The following ASTN1 variants were observed in gnomAD, a reference collection of about 807,000 sequenced individuals.
ASTN1 encodes the protein astrotactin-1.
ASTN1 carries 41 observed loss-of-function variants against 140.7 expected under a neutral mutation model. The observed-to-expected ratio is 0.29, with a 90% CI of 0.23 to 0.38. The LOEUF (loss-of-function observed/expected upper bound fraction) is 0.38. ASTN1 is among the 10% of genes least tolerant of loss of function. The pLI is 1.00. For synonymous variants in ASTN1, 640 were observed against 652.2 expected, an observed-to-expected ratio of 0.98 and a Z score of 0.29; for missense variants, 1,479 against 1,678.8, an observed-to-expected ratio of 0.88 and a Z score of 2.08.
chr1:176,871,004 C>T (rs1238004296), intron 21 of ASTN1, among the ~76,000 whole-genome samples: 2 of 152,088 alleles, frequency 1.3e-5, no homozygotes, highest in East Asian at 3.9e-4. Context: ...GAGATGGAGT[C>T]AAAACTGAAA....
At chr1:177,018,603 A>G (rs932947779) in intron 7 of ASTN1, among the ~76,000 whole-genome samples, 1 of 152,196 alleles carries the variant, frequency 6.6e-6, no homozygotes, top group African/African-American at 2.4e-5. Flanking sequence ...TTGCAGAACC[A>G]TAAAAGCTAC....
intron 1 of ASTN1, among the ~76,000 whole-genome samples, chr1:177,105,277 A>G (rs1680496790): frequency 6.6e-6 from 1 of 152,194 alleles, no homozygotes; most frequent in African/African-American, 2.4e-5. Context: ...TTCACCTGAA[A>G]TACCTTCCAG....
At chr1:176,980,005 G>C (rs1444294475) in intron 8 of ASTN1, among the ~76,000 whole-genome samples, 1 of 152,154 alleles carries the variant, frequency 6.6e-6, no homozygotes, top group African/African-American at 2.4e-5. Context: ...GGAAGTACAG[G>C]CAGTGAAAAT....
At chr1:177,011,525 G>A (rs2101933272) in intron 8 of ASTN1, among the ~76,000 whole-genome samples, 1 of 151,882 alleles carries the variant, frequency 6.6e-6, no homozygotes. Context: ...AGTGGTGAGA[G>A]AATTACTATA....
chr1:176,901,411 C>A (rs1669760806), intron 16 of ASTN1, among the ~76,000 whole-genome samples: 1 of 152,152 alleles, frequency 6.6e-6, no homozygotes, highest in African/African-American at 2.4e-5. Context: ...AATAATGTCA[C>A]AAAGTGGCAA....
chr1:176,967,950 G>C (rs1032780851), intron 8 of ASTN1, among the ~76,000 whole-genome samples: 6 of 152,082 alleles, frequency 3.9e-5, no homozygotes, highest in Non-Finnish European at 1.5e-5. Context: ...ACCCCATCCT[G>C]ATCACATTTA....
At chr1:177,070,214 G>A (rs976317279) in intron 1 of ASTN1, among the ~76,000 whole-genome samples, 1 of 152,118 alleles carries the variant, frequency 6.6e-6, no homozygotes, top group Non-Finnish European at 1.5e-5. Context: ...CATGGATGCC[G>A]GAATTTTGGA....
At chr1:176,903,607 T>C (rs974332353) in intron 16 of ASTN1, among the ~76,000 whole-genome samples, 1 of 152,192 alleles carries the variant, frequency 6.6e-6, no homozygotes, top group Non-Finnish European at 1.5e-5. Flanking sequence ...TTAAGTGTAC[T>C]TGATTCCGTT....
intron 1 of ASTN1, among the ~76,000 whole-genome samples, chr1:177,072,038 C>T (rs1292371539): frequency 6.6e-6 from 1 of 152,150 alleles, no homozygotes; most frequent in Non-Finnish European, 1.5e-5. Flanking sequence ...GGGTAAGTGA[C>T]AATTTCAAGG....
chr1:177,151,781 C>T (rs1683048170), intron 1 of ASTN1, among the ~76,000 whole-genome samples: 1 of 152,094 alleles, frequency 6.6e-6, no homozygotes, highest in African/African-American at 2.4e-5. Flanking sequence ...CAAGAAATCG[C>T]CCTTATGCAT....
rs1427354178 is a variant in ASTN1, at chr1:176,864,062, A to G, written c.*222T>C. The G allele has an allele frequency of 7.3e-7, 1 of 1,376,124 alleles. No homozygotes were observed. The highest frequency in any genetic ancestry group is 3.2e-5 in the Admixed American group (1 of 30,928). 85.2% of individuals were successfully genotyped at this position (1,376,124 alleles called of 1,614,324 possible). The stretch of plus-strand genomic sequence containing the variant: ...AAGTAATCCTCTAAAGAAATATGGC[A>G]CTGCATGAAGCCACTGGCTGGCAGA... On this transcript the variant is annotated 3_prime_UTR_variant, in exon 23 of 23. Transcript: ENST00000361833.
intron 16 of ASTN1, among the ~76,000 whole-genome samples, chr1:176,918,812 A>G (rs964366251): frequency 6.6e-6 from 1 of 152,160 alleles, no homozygotes; most frequent in Non-Finnish European, 1.5e-5. Flanking sequence ...TCAGTAGCCT[A>G]GCTGGGGTCT....
chr1:177,080,878 C>G (rs1679146230), intron 1 of ASTN1, among the ~76,000 whole-genome samples: 1 of 152,128 alleles, frequency 6.6e-6, no homozygotes, highest in South Asian at 2.1e-4. Flanking sequence ...GGGTAGATAA[C>G]AGCACACACT....
At chr1:177,015,461 C>A (rs563129580) in intron 7 of ASTN1, among the ~76,000 whole-genome samples, 1 of 152,284 alleles carries the variant, frequency 6.6e-6, no homozygotes, top group Middle Eastern at 3.4e-3. Flanking sequence ...CATAGAACAA[C>A]TACTATATGC....
Position 176,862,037 on chromosome 1 carries a change from G to A in ASTN1, c.*2247C>T. ...AGCTTAAAACACCGTGTTCTGCACA[G>A]ATATGAATAGAAGGATGGCAAAACA... On this transcript the variant is annotated 3_prime_UTR_variant, in exon 23 of 23. Transcript: ENST00000361833. 1.0e-6 allele frequency: 1 copy of A among 985,442 alleles called. No individual in the cohort carries two copies. The highest frequency in any genetic ancestry group is 1.2e-6 in the Non-Finnish European group (1 of 829,942). The allele number at this position is 985,442 out of a possible 1,614,324, so 61.0% of individuals were successfully genotyped here.
At chr1:176,860,626 T>C (rs779928253), downstream of ASTN1, among the ~76,000 whole-genome samples, 3 of 152,222 alleles carry the variant, frequency 2.0e-5, no homozygotes, top group Non-Finnish European at 2.9e-5. Context: ...TTCAACATTT[T>C]TCTTAAATGG....
At chr1:176,897,957 A>C (rs2103043122) in intron 16 of ASTN1, among the ~76,000 whole-genome samples, 1 of 152,256 alleles carries the variant, frequency 6.6e-6, no homozygotes, top group African/African-American at 2.4e-5. Context: ...GCTCATGACA[A>C]ATGCGGCCAC....
intron 1 of ASTN1, among the ~76,000 whole-genome samples, chr1:177,157,212 T>C (rs74861967): frequency 6.6e-6 from 1 of 152,352 alleles, no homozygotes; most frequent in East Asian, 1.9e-4. Flanking sequence ...AAGATGTTAA[T>C]AGTGAGAGAA....
intron 21 of ASTN1, among the ~76,000 whole-genome samples, chr1:176,870,700 A>G (rs12122639): frequency 0.06 from 9,109 of 152,352 alleles, 352 homozygotes; most frequent in Non-Finnish European, 0.087. Flanking sequence ...CAGCATATTT[A>G]GCTGCATTGC....
Sources: allele counts gnomAD v4.1 joint callset (sites outside exome capture counted in the v4.1 genomes callset), GRCh38; gene constraint gnomAD v4.1.1; transcripts MANE v1.5; gene names NCBI Gene and HGNC (gene_info 2026-07-23, HGNC 2026-07-21).